LPXN: variants seen among roughly 807,000 people sequenced by gnomAD.
The protein encoded by LPXN is leupaxin.
In LPXN, 28 loss-of-function variants were observed where a neutral mutation model predicts 45.6. That is an observed-to-expected ratio of 0.61 (90% confidence interval 0.45 to 0.84). The LOEUF is 0.84. Among genes scored for constraint, LPXN ranks in the 40% least tolerant of loss-of-function variants. The pLI, the probability that LPXN is intolerant of heterozygous loss-of-function variation, is 0.00. For missense variants in LPXN, 459 were observed against 475.0 expected (o/e 0.97, Z 0.31); for synonymous variants, 166 against 169.9 (o/e 0.98, Z 0.18).
At chr11:58,557,349 T>C (rs187358250) in intron 3 of LPXN, among the ~76,000 whole-genome samples, 74 of 152,298 alleles carry the variant, frequency 4.9e-4, no homozygotes, top group African/African-American at 1.7e-3. Context: ...TTGTGAAATA[T>C]GCACACATAC....
chr11:58,549,708 T>A lies in LPXN; in HGVS notation c.742+78A>T, dbSNP rs1040350907. ...GTACTGATAGGAACCAGGACTCCCG[T>A]GACTACCAGGAAAGGTGTTGCTGGT... On this transcript the variant is annotated intron_variant, in intron 7 of 8. Coordinates refer to ENST00000395074, the MANE Select transcript of LPXN (RefSeq NM_004811.3). 16 of 1,248,206 alleles carry A rather than the reference T, an allele frequency of 1.3e-5. No homozygotes were observed. The Admixed American group carries it at 2.2e-4, about 17-fold the overall frequency. The allele number at this position is 1,248,206 out of a possible 1,614,324, so 77.3% of individuals were successfully genotyped here. A position where few individuals can be genotyped will look rare whatever the true frequency, so the allele number is the denominator to read the frequency against.
intron 7 of LPXN, among the ~76,000 whole-genome samples, chr11:58,545,081 G>A (rs1345157850): frequency 6.6e-6 from 1 of 152,090 alleles, no homozygotes; most frequent in Non-Finnish European, 1.5e-5. Context: ...AGAAAGCCAG[G>A]CATAAAAAGG....
rs1258565094 is a variant in LPXN at position 58,526,999 on chromosome 11, T to C, written c.*455A>G. The C allele has an allele frequency of 6.3e-6, 1 of 158,108 alleles. No homozygotes were observed. Among genetic ancestry groups the C allele is most frequent in the African/African-American group, 2.4e-5 (1 of 41,500 alleles). The allele number at this position is 158,108 out of a possible 1,614,324, so 9.8% of individuals were successfully genotyped here. On this transcript the variant is annotated 3_prime_UTR_variant, in exon 9 of 9. Coordinates refer to ENST00000395074, the MANE Select transcript of LPXN (RefSeq NM_004811.3). ...ATGCAAAGAGCTAAAAGTGGTATCA[T>C]GATTCCACAGCAGTGATTGTAAGAC... is the stretch of plus-strand genomic sequence containing the variant.
At position 58,550,002 on chromosome 11, in the gene LPXN, A is replaced by C; in HGVS notation, c.631T>G (p.Cys211Gly). ...AGGATGGGAGCAGCGCAGTAAGCAC[A>C]GCGTGGAGAAAAAAGTTGGTGGTAG... ...NDYHQLFSPR[C>G]AYCAAPILDK... Residue 211 changes from cysteine (C) to glycine (G), a missense_variant, in exon 6 of 9, where the codon TGT (cysteine) becomes GGT (glycine). By Grantham distance (159) the Cys-to-Gly change is radical. Coordinates refer to ENST00000395074, the MANE Select transcript of LPXN (RefSeq NM_004811.3). The C allele has an allele frequency of 6.2e-7, 1 of 1,614,234 alleles. No homozygotes were observed. Among genetic ancestry groups the C allele is most frequent in the Non-Finnish European group, 8.5e-7 (1 of 1,180,034 alleles).
At position 58,560,042 on chromosome 11, in the gene LPXN, C is replaced by G. The variant is rs535149957; in HGVS notation, c.218+4113G>C. 1.1e-4 allele frequency among the ~76,000 whole-genome samples: 17 copies of G among 152,320 alleles called. No individual in the cohort carries two copies. The South Asian group carries it at 2.7e-3, about 24-fold the overall frequency. On this transcript the variant is annotated intron_variant, in intron 3 of 8. Coordinates refer to ENST00000395074, the MANE Select transcript of LPXN (RefSeq NM_004811.3). Reference sequence around the variant, plus strand: ...GAGGAAAGACTCTAAGAGGAGTGGTCTCAATTTTCACCCTATGTATACATT... The same window carrying G: ...GAGGAAAGACTCTAAGAGGAGTGGTGTCAATTTTCACCCTATGTATACATT...
At position 58,548,734 on chromosome 11, in the gene LPXN, C is replaced by T. The variant is rs184806292; in HGVS notation, c.742+1052G>A. On this transcript the variant is annotated intron_variant, in intron 7 of 8. Coordinates refer to ENST00000395074, the MANE Select transcript of LPXN (RefSeq NM_004811.3). ...AACAACCCTATAAGGTAGGCAATTT[C>T]ATTAGGACTATTTTACTGATGAGGA... Among the ~76,000 whole-genome samples the T allele has an allele frequency of 2.4e-3, 369 of 152,256 alleles. 1 individual carries two copies. The highest frequency in any genetic ancestry group is 4.1e-3 in the Non-Finnish European group (278 of 68,024).
chr11:58,560,277 C>T (rs958549975), intron 3 of LPXN, among the ~76,000 whole-genome samples: 5 of 152,286 alleles, frequency 3.3e-5, no homozygotes, highest in South Asian at 2.1e-4. Flanking sequence ...CACATACACA[C>T]ACAATGGTTC....
At chr11:58,538,712 T>G (rs1853628159) in intron 7 of LPXN, among the ~76,000 whole-genome samples, 3 of 152,138 alleles carry the variant, frequency 2.0e-5, no homozygotes, top group Admixed American at 2.0e-4. Context: ...TAATAAATAT[T>G]TCACTGTGTA....
At position 58,562,689 on chromosome 11, in the gene LPXN, C is replaced by T. The variant is rs74685770; in HGVS notation, c.218+1466G>A. Among the ~76,000 whole-genome samples the T allele has an allele frequency of 4.5e-3, 688 of 152,228 alleles. 1 individual carries two copies. Among genetic ancestry groups the T allele is most frequent in the Middle Eastern group, 0.014 (4 of 294 alleles). ...GGGAAAAAGAAAAGAGGAGAAGTTA[C>T]CAGAGCTAGGGGCCCAAGTCAACAG... On this transcript the variant is annotated intron_variant, in intron 3 of 8. Transcript: ENST00000395074.
At chr11:58,578,009 ACT>A, upstream of LPXN, 1 of 1,550,766 alleles carries the variant, frequency 6.4e-7, no homozygotes, top group Non-Finnish European at 8.7e-7. Flanking sequence ...CAGGTGAGTG[ACT>A]CACACACCGG....
At chr11:58,562,599 G>A (rs1168547603) in intron 3 of LPXN, among the ~76,000 whole-genome samples, 1 of 152,156 alleles carries the variant, frequency 6.6e-6, no homozygotes, top group Admixed American at 6.5e-5. Flanking sequence ...CAGGTGAGGG[G>A]AGAGCTAAGA....
At chr11:58,564,916 G>A (rs565377855) in intron 2 of LPXN, among the ~76,000 whole-genome samples, 1 of 152,212 alleles carries the variant, frequency 6.6e-6, no homozygotes, top group Non-Finnish European at 1.5e-5. Context: ...AATATCTGGG[G>A]TCATATGATT....
chr11:58,570,023 G>A (rs1854638573), intron 2 of LPXN, among the ~76,000 whole-genome samples: 1 of 152,010 alleles, frequency 6.6e-6, no homozygotes, highest in African/African-American at 2.4e-5. Flanking sequence ...GTAGTTCTCG[G>A]CTGGGCGTGA....
intron 3 of LPXN, among the ~76,000 whole-genome samples, chr11:58,560,799 CT>C (rs1256852202): frequency 6.6e-6 from 1 of 152,142 alleles, no homozygotes; most frequent in Non-Finnish European, 1.5e-5. Context: ...AAAGTTTGTG[CT>C]GTGTGTCCTG....
At chr11:58,544,742 C>T (rs1243139249) in intron 7 of LPXN, among the ~76,000 whole-genome samples, 3 of 152,088 alleles carry the variant, frequency 2.0e-5, no homozygotes, top group African/African-American at 7.2e-5. Flanking sequence ...AAAAGTGCCA[C>T]AAAAAGAGGG....
At position 58,527,928 on chromosome 11, in the gene LPXN, C is replaced by T. The variant is rs752675057; in HGVS notation, c.891+115G>A. On this transcript the variant is annotated intron_variant, in intron 8 of 8. Coordinates refer to ENST00000395074, the MANE Select transcript of LPXN (RefSeq NM_004811.3). The stretch of plus-strand genomic sequence containing the variant: ...TGTATCTCGTTTCTCCTTTAGGATG[C>T]GCACATCCATTCCTCATTCAGGACT... 2.0e-4 allele frequency: 253 copies of T among 1,260,412 alleles called. 2 individuals are homozygous for T. The highest frequency in any genetic ancestry group is 1.4e-4 in the South Asian group (10 of 70,026). 78.1% of individuals were successfully genotyped at this position (1,260,412 alleles called of 1,614,324 possible). A position where few individuals can be genotyped will look rare whatever the true frequency, so the allele number is the denominator to read the frequency against.
chr11:58,552,412 C>CTA lies in LPXN; in HGVS notation c.319-1182_319-1181dup, dbSNP rs1854077725. Among the ~76,000 whole-genome samples, 3 of 152,206 alleles carry CTA rather than the reference C, an allele frequency of 2.0e-5. No homozygotes were observed. In the South Asian group the frequency reaches 6.2e-4, roughly 31 times the overall value. ...CAGCTGGGCGACTGCTACCATCTAT[C>CTA]TACTGAATACTTCACTCATCAGAAA... is the stretch of plus-strand genomic sequence containing the variant. On this transcript the variant is annotated intron_variant, in intron 4 of 8. Coordinates refer to ENST00000395074, the MANE Select transcript of LPXN (RefSeq NM_004811.3).
chr11:58,534,842 C>T (rs1469119129), intron 7 of LPXN, among the ~76,000 whole-genome samples: 1 of 152,144 alleles, frequency 6.6e-6, no homozygotes, highest in African/African-American at 2.4e-5. Context: ...GGGGTTATCA[C>T]TACTGATCCC....
intron 7 of LPXN, among the ~76,000 whole-genome samples, chr11:58,537,825 C>T (rs57631570): frequency 1.3e-5 from 2 of 151,124 alleles, no homozygotes; most frequent in Admixed American, 6.6e-5. Flanking sequence ...ACAATGTGCA[C>T]GTTAGTTACA....
Sources: gnomAD v4.1 joint callset for allele counts (sites outside exome capture counted in the v4.1 genomes callset) on GRCh38, gnomAD v4.1.1 for gene constraint, MANE v1.5 for transcripts, NCBI Gene and HGNC (gene_info 2026-07-23, HGNC 2026-07-21) for gene names.